The following UNC79 variants were observed in gnomAD, a reference collection of about 807,000 sequenced individuals.
The protein encoded by UNC79 is unc-79 subunit of NALCN channel complex, also known as protein unc-79 homolog.
A neutral mutation model predicts 283.1 loss-of-function variants in UNC79; 37 were observed. That is an observed-to-expected ratio of 0.13 (90% CI 0.10 to 0.17). The LOEUF (loss-of-function observed/expected upper bound fraction) is 0.17, where lower values mean the gene tolerates loss of function less well. UNC79 is among the 10% of genes least tolerant of loss of function. The probability of loss-of-function intolerance (pLI) is 1.00; values close to 1 mark genes in which losing one functional copy is unlikely to be tolerated. For missense variants in UNC79, 2,272 were observed against 3,211.1 expected, an observed-to-expected ratio of 0.71 and a Z score of 7.07; for synonymous variants, 1,107 against 1,200.2, an observed-to-expected ratio of 0.92 and a Z score of 1.61.
chr14:93,456,661 G>A (rs1313692343), intron 1 of UNC79, among the ~76,000 whole-genome samples: 1 of 152,146 alleles, frequency 6.6e-6, no homozygotes, highest in Non-Finnish European at 1.5e-5. Flanking sequence ...TCACTTTCCT[G>A]CACCCAGAGG....
At chr14:93,622,185 C>A in exon 30 of UNC79, 4 of 1,614,120 alleles carry the variant, frequency 2.5e-6, no homozygotes, top group Non-Finnish European at 3.4e-6. Flanking sequence ...GAAGAGGAGA[C>A]GATGAACCAA....
chr14:93,488,165 AC>A, intron 5 of UNC79, among the ~76,000 whole-genome samples: 1 of 152,384 alleles, frequency 6.6e-6, no homozygotes, highest in African/African-American at 2.4e-5. Flanking sequence ...GAATAAACCA[AC>A]AAAAGAGGGA....
intron 1 of UNC79, among the ~76,000 whole-genome samples, chr14:93,361,211 C>CAAAAAAAAAAAAAAAAA (rs58267219): frequency 1.8e-5 from 1 of 54,360 alleles, no homozygotes. Flanking sequence ...GACTCTGTCT[C>CAAAAAAAAAAAAAAAAA]AAAAAAAAAA....
At chr14:93,511,198 C>A (rs1322655324) in intron 7 of UNC79, among the ~76,000 whole-genome samples, 1 of 152,168 alleles carries the variant, frequency 6.6e-6, no homozygotes, top group Non-Finnish European at 1.5e-5. Flanking sequence ...CTCCCACGAT[C>A]TAGTCACCTT....
chr14:93,454,071 G>A (rs1319465866), intron 1 of UNC79, among the ~76,000 whole-genome samples: 1 of 150,554 alleles, frequency 6.6e-6, no homozygotes, highest in African/African-American at 2.4e-5. Flanking sequence ...TTTGAGTCAG[G>A]GTCTCGCTGT....
At chr14:93,354,655 G>A (rs534094113) in intron 1 of UNC79, among the ~76,000 whole-genome samples, 3 of 152,232 alleles carry the variant, frequency 2.0e-5, no homozygotes, top group African/African-American at 2.4e-5. Context: ...GCGCCACCAT[G>A]CCCAACAAAT....
At chr14:93,404,493 A>AAAAAAAAAAAAAAATAT in intron 1 of UNC79, among the ~76,000 whole-genome samples, 2 of 61,512 alleles carry the variant, frequency 3.3e-5, no homozygotes, top group Non-Finnish European at 6.4e-5. Flanking sequence ...TTCTAAAAAA[A>AAAAAAAAAAAAAAATAT]ATATATATAT....
intron 1 of UNC79, among the ~76,000 whole-genome samples, chr14:93,384,681 G>C (rs1204153642): frequency 2.0e-5 from 3 of 152,124 alleles, no homozygotes; most frequent in African/African-American, 7.2e-5. Context: ...TGTGTCCTTT[G>C]CTGTGCAGAA....
intron 41 of UNC79, among the ~76,000 whole-genome samples, chr14:93,675,978 C>T (rs2073310281): frequency 6.6e-6 from 1 of 152,206 alleles, no homozygotes; most frequent in Admixed American, 6.5e-5. Context: ...ATTGCACTGG[C>T]CAGGCCCTTC....
chr14:93,493,826 C>T (rs1158441779), intron 5 of UNC79, among the ~76,000 whole-genome samples: 4 of 145,376 alleles, frequency 2.8e-5, no homozygotes, highest in Non-Finnish European at 4.5e-5. Flanking sequence ...AGGGGAAGCA[C>T]GTCTTACATG....
At chr14:93,655,478 A>G in intron 38 of UNC79, 71 bp downstream of exon 41, 1 of 1,559,554 alleles carries the variant, frequency 6.4e-7, no homozygotes, top group Non-Finnish European at 8.7e-7. Context: ...TACAAGCAGC[A>G]GAGTCTTGGG....
chr14:93,601,229 G>A (rs558947879), intron 25 of UNC79, among the ~76,000 whole-genome samples: 1 of 152,192 alleles, frequency 6.6e-6, no homozygotes, highest in South Asian at 2.1e-4. Flanking sequence ...TACCCAATGT[G>A]TAGTCTTTTA....
At chr14:93,616,064 C>G (rs1338197915) in intron 27 of UNC79, among the ~76,000 whole-genome samples, 2 of 151,910 alleles carry the variant, frequency 1.3e-5, no homozygotes, top group African/African-American at 4.8e-5. Context: ...GTGGTGATTT[C>G]TGAGATTTTG....
chr14:93,583,947 A>T (rs2064019942), intron 20 of UNC79, among the ~76,000 whole-genome samples: 1 of 152,028 alleles, frequency 6.6e-6, no homozygotes, highest in Admixed American at 6.6e-5. Context: ...CTGGGACCAC[A>T]GACATGCTCC....
chr14:93,614,403 G>A (rs955071639), intron 27 of UNC79, among the ~76,000 whole-genome samples: 2 of 151,758 alleles, frequency 1.3e-5, no homozygotes, highest in South Asian at 2.1e-4. Flanking sequence ...TGCAAGCTCC[G>A]CCTCCTGGGT....
intron 1 of UNC79, among the ~76,000 whole-genome samples, chr14:93,390,883 C>T (rs2054869577): frequency 6.6e-6 from 1 of 152,186 alleles, no homozygotes; most frequent in East Asian, 1.9e-4. Flanking sequence ...ATTATCTCCT[C>T]AATTTATCTG....
intron 22 of UNC79, among the ~76,000 whole-genome samples, chr14:93,589,497 A>G (rs1240062367): frequency 6.6e-6 from 1 of 152,118 alleles, no homozygotes; most frequent in African/African-American, 2.4e-5. Context: ...CTCATCCAGC[A>G]GAGTAAAGAC....
At chr14:93,483,062 T>G (rs2058221589) in intron 4 of UNC79, among the ~76,000 whole-genome samples, 1 of 152,228 alleles carries the variant, frequency 6.6e-6, no homozygotes, top group Non-Finnish European at 1.5e-5. Flanking sequence ...CTCCATGCTT[T>G]ATTCTCTGTC....
intron 1 of UNC79, among the ~76,000 whole-genome samples, chr14:93,444,071 GGAGA>G (rs1403748928): frequency 2.0e-5 from 3 of 152,186 alleles, no homozygotes; most frequent in Non-Finnish European, 4.4e-5. Flanking sequence ...CAGCAATGTA[GGAGA>G]GAGTTTCAGT....
Sources: allele counts gnomAD v4.1 joint callset (sites outside exome capture counted in the v4.1 genomes callset), GRCh38; gene constraint gnomAD v4.1.1; transcripts MANE v1.5; gene names NCBI Gene and HGNC (gene_info 2026-07-23, HGNC 2026-07-21).